The following CEP126 variants were observed in gnomAD, a reference collection of about 807,000 sequenced individuals.
CEP126 encodes centrosomal protein of 126 kDa.
In CEP126, 74 loss-of-function variants were observed where a neutral mutation model predicts 107.8. That is an observed-to-expected ratio of 0.69 (90% CI 0.57 to 0.83). The LOEUF (loss-of-function observed/expected upper bound fraction) is 0.83. Among genes scored for constraint, CEP126 ranks in the 40% least tolerant of loss-of-function variants. The pLI, the probability that CEP126 is intolerant of heterozygous loss-of-function variation, is 0.00. For synonymous variants in CEP126, 449 were observed against 446.0 expected, an observed-to-expected ratio of 1.01 and a Z score of -0.08; for missense variants, 1,237 against 1,281.9, an observed-to-expected ratio of 0.96 and a Z score of 0.53.
At chr11:101,932,239 A>G (rs1221170691) in intron 2 of CEP126, among the ~76,000 whole-genome samples, 1 of 152,208 alleles carries the variant, frequency 6.6e-6, no homozygotes, top group African/African-American at 2.4e-5. Flanking sequence ...AATCATCACT[A>G]TAATTGCTTA....
At chr11:101,935,209 T>C (rs540759049) in intron 2 of CEP126, among the ~76,000 whole-genome samples, 5 of 152,136 alleles carry the variant, frequency 3.3e-5, no homozygotes, top group African/African-American at 1.2e-4. Context: ...TCTTGTTGAA[T>C]TGTAAGATAT....
At position 101,986,495 on chromosome 11, in the gene CEP126, GTCT is replaced by G. The variant is rs1941318098; in HGVS notation, c.3035-331_3035-329del. On this transcript the variant is annotated intron_variant, in intron 8 of 10. Transcript: ENST00000263468. ...CATTATAACTACTATTATAAAGACA[GTCT>G]TCTTCATCTTTTTTGTACTACCAAT... Among the ~76,000 whole-genome samples, 4 of 152,216 alleles carry G rather than the reference GTCT, an allele frequency of 2.6e-5. No homozygotes were observed. In the South Asian group the frequency reaches 6.2e-4, roughly 24 times the overall value.
intron 1 of CEP126, among the ~76,000 whole-genome samples, chr11:101,922,108 G>A (rs1414935906): frequency 6.9e-6 from 1 of 144,574 alleles, no homozygotes; most frequent in Non-Finnish European, 1.5e-5. Context: ...TCTAAAAGTA[G>A]ATTTTTTTTC....
At position 101,944,381 on chromosome 11, in the gene CEP126, A is replaced by G. The variant is rs1166785815; in HGVS notation, c.365A>G (p.His122Arg). 1 of 1,611,690 alleles carries G rather than the reference A, an allele frequency of 6.2e-7. No homozygotes were observed. Among genetic ancestry groups the G allele is most frequent in the Non-Finnish European group, 8.5e-7 (1 of 1,179,122 alleles). The change falls in exon 3 of 11, where the codon CAT (histidine) becomes CGT (arginine). Residue 122 changes from histidine to arginine, a missense_variant. Transcript: ENST00000263468. ...GTTACTGAAAAATTCCAGCGTGCCC[A>G]TGTTCCTCTTTCACAGCGGAGGAAA... The part of the protein sequence containing the change: ...EEVTEKFQRA[H>R]VPLSQRRKAV...
intron 5 of CEP126, among the ~76,000 whole-genome samples, chr11:101,960,366 T>C (rs1461306473): frequency 6.6e-6 from 1 of 152,222 alleles, no homozygotes; most frequent in African/African-American, 2.4e-5. Context: ...GTCATACTTA[T>C]ATCTAGAAGG....
intron 9 of CEP126, among the ~76,000 whole-genome samples, chr11:101,990,452 C>T (rs1246234487): frequency 6.6e-6 from 1 of 152,134 alleles, no homozygotes; most frequent in Non-Finnish European, 1.5e-5. Context: ...AAAGCCTCTA[C>T]CCCTGGAAGA....
chr11:101,982,329 T>C (rs561130541), intron 8 of CEP126, among the ~76,000 whole-genome samples: 20 of 152,330 alleles, frequency 1.3e-4, no homozygotes, highest in African/African-American at 4.8e-4. Flanking sequence ...GCTGTTCATA[T>C]ATATTGCTAA....
Position 101,962,741 on chromosome 11 carries a change from G to A in CEP126, c.1706G>A (p.Arg569Lys), listed in dbSNP as rs555704042. Residue 569 changes from arginine (R) to lysine (K), a missense_variant, in exon 6 of 11, where the codon AGA (arginine) becomes AAA (lysine). By Grantham distance (26) the Arg-to-Lys change is conservative. Around this residue, in one of 3 missense-constraint regions of CEP126, gnomAD observed 1,134 missense variants for 1,150.5 expected, o/e 0.99. Transcript: ENST00000263468. ...HKKMKYNIHE[R>K]NGVRFLKSIL... ...AAAATGAAATACAACATCCATGAGA[G>A]AAATGGTGTGAGATTTCTTAAAAGT... is the stretch of plus-strand genomic sequence containing the variant. 4 of 1,611,258 alleles carry A rather than the reference G, an allele frequency of 2.5e-6. No individual in the cohort carries two copies. The African/African-American group carries it at 4.0e-5, about 16-fold the overall frequency.
At chr11:101,964,790 T>C (rs1941040502) in intron 6 of CEP126, among the ~76,000 whole-genome samples, 1 of 152,236 alleles carries the variant, frequency 6.6e-6, no homozygotes, top group African/African-American at 2.4e-5. Flanking sequence ...GGACAAGGAA[T>C]AGGATCTGAT....
intron 2 of CEP126, among the ~76,000 whole-genome samples, chr11:101,928,772 A>G (rs1262652235): frequency 6.6e-6 from 1 of 152,194 alleles, no homozygotes; most frequent in Non-Finnish European, 1.5e-5. Context: ...ATACCCCACA[A>G]TTTTGATTAC....
chr11:101,938,957 A>G (rs1940630335), intron 2 of CEP126, among the ~76,000 whole-genome samples: 1 of 152,162 alleles, frequency 6.6e-6, no homozygotes, highest in South Asian at 2.1e-4. Flanking sequence ...TTTTAATCTT[A>G]TGAAATTCAT....
chr11:101,929,974 C>CTTTTTTTTTTTTTTTTTTTT (rs60650996), intron 2 of CEP126, among the ~76,000 whole-genome samples: 3 of 118,694 alleles, frequency 2.5e-5, no homozygotes, highest in East Asian at 2.7e-4. Flanking sequence ...TTAGTTAGGA[C>CTTTTTTTTTTTTTTTTTTTT]TTTTTTTTTT....
chr11:101,973,785 TATG>T (rs2137121304), intron 6 of CEP126, among the ~76,000 whole-genome samples: 1 of 152,338 alleles, frequency 6.6e-6, no homozygotes, highest in Non-Finnish European at 1.5e-5. Flanking sequence ...AGTTTCTAAT[TATG>T]ATAACTTATA....
chr11:101,922,394 A>T (rs1940342538), intron 1 of CEP126, among the ~76,000 whole-genome samples: 1 of 150,324 alleles, frequency 6.7e-6, no homozygotes, highest in Non-Finnish European at 1.5e-5. Flanking sequence ...TGACCTACTG[A>T]CCTCGTGATC....
chr11:101,951,333 A>G (rs1365006981), intron 4 of CEP126, among the ~76,000 whole-genome samples: 1 of 151,966 alleles, frequency 6.6e-6, no homozygotes, highest in Non-Finnish European at 1.5e-5. Context: ...GCAAGACCCC[A>G]TCTCTACACA....
intron 4 of CEP126, among the ~76,000 whole-genome samples, chr11:101,952,976 C>A (rs752660282): frequency 2.0e-5 from 3 of 152,170 alleles, no homozygotes; most frequent in Non-Finnish European, 4.4e-5. Context: ...TAGAAGGCCA[C>A]AAGACAGTTG....
At chr11:101,937,087 C>T (rs191936670) in intron 2 of CEP126, among the ~76,000 whole-genome samples, 33 of 152,218 alleles carry the variant, frequency 2.2e-4, no homozygotes, top group Admixed American at 1.2e-3. Flanking sequence ...GTTTGATATA[C>T]ACCTTATACA....
chr11:101,953,796 T>C (rs7112084), intron 4 of CEP126, among the ~76,000 whole-genome samples: 80,506 of 151,910 alleles, frequency 0.53, 21,815 homozygotes, highest in East Asian at 0.78. Context: ...TTTACTACCA[T>C]ATTATATGTG....
At chr11:101,951,356 G>A (rs940868662) in intron 4 of CEP126, among the ~76,000 whole-genome samples, 10 of 151,776 alleles carry the variant, frequency 6.6e-5, no homozygotes, top group African/African-American at 2.4e-4. Flanking sequence ...CACAAAAAAT[G>A]TAAAAATTAG....
Sources: gnomAD v4.1 joint callset for allele counts (sites outside exome capture counted in the v4.1 genomes callset) on GRCh38, gnomAD v4.1.1 for gene constraint, gnomAD v4.1.1 regional missense constraint, MANE v1.5 for transcripts, NCBI Gene and HGNC (gene_info 2026-07-23, HGNC 2026-07-21) for gene names.